LRBA: variants seen among roughly 807,000 people sequenced by gnomAD.
LRBA encodes the protein lipopolysaccharide-responsive and beige-like anchor protein.
LRBA carries 176 observed loss-of-function variants against 330.0 expected under a neutral mutation model. The ratio of observed to expected loss-of-function variants is 0.53; its 90% confidence interval spans 0.47 to 0.60. LRBA has a LOEUF of 0.60. Ranked by LOEUF, LRBA falls within the 20% of genes least tolerant of loss-of-function variation. The probability of loss-of-function intolerance (pLI) is 0.00; values close to 1 mark genes in which losing one functional copy is unlikely to be tolerated. For synonymous variants in LRBA, 1,230 were observed against 1,193.0 expected (o/e 1.03, Z -0.64); for missense variants, 3,259 against 3,444.8 (o/e 0.95, Z 1.35).
chr4:150,498,671 AATAG>A (rs1293730517), intron 40 of LRBA, among the ~76,000 whole-genome samples: 1 of 152,200 alleles, frequency 6.6e-6, no homozygotes, highest in Non-Finnish European at 1.5e-5. Flanking sequence ...TCTAAATTAA[AATAG>A]ATATTTAGCT....
chr4:150,535,021 T>C (rs907518548), intron 40 of LRBA, among the ~76,000 whole-genome samples: 29 of 152,360 alleles, frequency 1.9e-4, no homozygotes, highest in African/African-American at 7.0e-4. Context: ...TATATAATCA[T>C]TTAAAAATAT....
At chr4:150,897,951 C>T in intron 14 of LRBA, 133 bp from the exon 15 acceptor site, 1 of 619,782 alleles carries the variant, frequency 1.6e-6, no homozygotes, top group South Asian at 2.0e-5. Flanking sequence ...TACAGAATGA[C>T]CTTTTATGCC....
At chr4:150,486,445 CATAA>C (rs2152090800) in intron 42 of LRBA, among the ~76,000 whole-genome samples, 1 of 151,508 alleles carries the variant, frequency 6.6e-6, no homozygotes, top group South Asian at 2.1e-4. Context: ...AGAAAAAATA[CATAA>C]ATAATTTTAC....
intron 37 of LRBA, among the ~76,000 whole-genome samples, chr4:150,603,981 A>G (rs1774371987): frequency 6.6e-6 from 1 of 152,202 alleles, no homozygotes; most frequent in Non-Finnish European, 1.5e-5. Flanking sequence ...TAAGAATTAA[A>G]CAAATGAGAA....
chr4:150,889,931 A>G (rs1017520419), intron 17 of LRBA, among the ~76,000 whole-genome samples: 3 of 152,244 alleles, frequency 2.0e-5, no homozygotes, highest in African/African-American at 4.8e-5. Flanking sequence ...ATTTATAAAG[A>G]CAAATCATTA....
At chr4:150,422,128 G>A (rs1358991420) in intron 46 of LRBA, among the ~76,000 whole-genome samples, 1 of 152,090 alleles carries the variant, frequency 6.6e-6, no homozygotes, top group Non-Finnish European at 1.5e-5. Flanking sequence ...CGGGCATCAT[G>A]GCATATGTCT....
At chr4:150,971,186 T>C (rs1307227984) in intron 2 of LRBA, among the ~76,000 whole-genome samples, 1 of 152,250 alleles carries the variant, frequency 6.6e-6, no homozygotes, top group East Asian at 1.9e-4. Flanking sequence ...TTGCTACTAC[T>C]TTTCTCTGGC....
At chr4:150,457,304 A>G (rs889728810) in intron 44 of LRBA, among the ~76,000 whole-genome samples, 1 of 152,082 alleles carries the variant, frequency 6.6e-6, no homozygotes, top group African/African-American at 2.4e-5. Flanking sequence ...TTTAAATATA[A>G]CATGCATGCA....
chr4:150,806,868 C>A (rs903108407), intron 32 of LRBA, among the ~76,000 whole-genome samples: 1 of 151,964 alleles, frequency 6.6e-6, no homozygotes, highest in East Asian at 1.9e-4. Context: ...AAAAGCAGTT[C>A]TTTTTTATTG....
chr4:150,805,335 A>AAAGGAAAGGAG (rs1560841373), intron 33 of LRBA, among the ~76,000 whole-genome samples: 6 of 129,048 alleles, frequency 4.6e-5, no homozygotes, highest in Admixed American at 7.9e-5. Flanking sequence ...AAAGGAAAGG[A>AAAGGAAAGGAG]AAGGAGAAGG....
At position 150,761,802 on chromosome 4, in the gene LRBA, C is replaced by T. The variant is rs760470465; in HGVS notation, c.5626G>A (p.Glu1876Lys). ...IQKNAGLAFI[E>K]LVNEGRLLSQ... ...AATTACCTTCCTTCATTGACAAGTT[C>T]GATAAAAGCAAGGCCTGCATTCTTC... Residue 1876 changes from glutamate (E) to lysine (K), a missense_variant, in exon 35 of 57, where the codon GAA (glutamate) becomes AAA (lysine). Coordinates refer to ENST00000651943, the MANE Select transcript of LRBA (RefSeq NM_001364905.1). 24 of 1,543,450 alleles carry T rather than the reference C, an allele frequency of 1.6e-5. No individual in the cohort carries two copies. Among genetic ancestry groups the T allele is most frequent in the East Asian group, 2.4e-5 (1 of 41,970 alleles).
At chr4:150,443,853 A>AAAAAAATATATATATATAT (rs70941406) in intron 44 of LRBA, among the ~76,000 whole-genome samples, 10 of 75,474 alleles carry the variant, frequency 1.3e-4, no homozygotes, top group Non-Finnish European at 3.0e-4. Context: ...TAATTAAAAA[A>AAAAAAATATATATATATAT]ATATATATAT....
intron 40 of LRBA, among the ~76,000 whole-genome samples, chr4:150,504,710 A>G (rs540494588): frequency 1.8e-4 from 27 of 152,324 alleles, no homozygotes; most frequent in African/African-American, 6.5e-4. Flanking sequence ...GCCAGCTGAC[A>G]TCATAATGAC....
chr4:150,881,643 G>A (rs1728395140), intron 17 of LRBA, among the ~76,000 whole-genome samples: 1 of 152,024 alleles, frequency 6.6e-6, no homozygotes, highest in African/African-American at 2.4e-5. Context: ...TAACAAACCT[G>A]CACATGTACC....
intron 40 of LRBA, among the ~76,000 whole-genome samples, chr4:150,517,750 T>C (rs1262960780): frequency 6.6e-6 from 1 of 152,188 alleles, no homozygotes; most frequent in Admixed American, 6.5e-5. Context: ...GTCATATTAA[T>C]AGTATTTGTA....
chr4:150,993,084 C>A (rs1742272632), intron 2 of LRBA, among the ~76,000 whole-genome samples: 1 of 151,876 alleles, frequency 6.6e-6, no homozygotes, highest in Non-Finnish European at 1.5e-5. Context: ...GATATCAAGA[C>A]CCTAGCCTGG....
At chr4:150,560,517 C>T (rs908034446) in intron 40 of LRBA, among the ~76,000 whole-genome samples, 1 of 152,086 alleles carries the variant, frequency 6.6e-6, no homozygotes, top group Non-Finnish European at 1.5e-5. Context: ...TGGAAACTGA[C>T]CTCTAACTAT....
rs74366731 is a variant in LRBA at position 150,851,870 on chromosome 4, A to C, written c.3825+15T>G. 8.2e-4 allele frequency: 1,301 copies of C among 1,582,774 alleles called. 9 individuals are homozygous for C. The African/African-American group carries it at 0.016, about 19-fold the overall frequency. On this transcript the variant is annotated intron_variant, in intron 23 of 56. Coordinates refer to ENST00000651943, the MANE Select transcript of LRBA (RefSeq NM_001364905.1). The stretch of plus-strand genomic sequence containing the variant: ...CAGTGCAAAAGTACTTGAATAAGAC[A>C]ATATATAAAATCACCTCAAGCACAT...
intron 40 of LRBA, 55 bp downstream of exon 40, chr4:150,587,993 C>G (rs1336075107): frequency 6.3e-7 from 1 of 1,575,770 alleles, no homozygotes; most frequent in Non-Finnish European, 8.6e-7. Flanking sequence ...CAATCCTATC[C>G]AACAGCACCC....
Sources: gnomAD v4.1 joint callset for allele counts (sites outside exome capture counted in the v4.1 genomes callset) on GRCh38, gnomAD v4.1.1 for gene constraint, MANE v1.5 for transcripts, NCBI Gene and HGNC (gene_info 2026-07-23, HGNC 2026-07-21) for gene names.